The following CTNNA2 variants were observed in gnomAD, a reference collection of about 807,000 sequenced individuals.
CTNNA2 encodes catenin alpha-2.
CTNNA2 carries 42 observed loss-of-function variants against 101.0 expected under a neutral mutation model. That is an observed-to-expected ratio of 0.42 (90% CI 0.32 to 0.54). The LOEUF is 0.54. Ranked by LOEUF, CTNNA2 falls within the 20% of genes least tolerant of loss-of-function variation. The pLI, the probability that CTNNA2 is intolerant of heterozygous loss-of-function variation, is 0.14. For missense variants in CTNNA2, 871 were observed against 1,223.1 expected, an observed-to-expected ratio of 0.71 and a Z score of 4.29; for synonymous variants, 450 against 456.4, an observed-to-expected ratio of 0.99 and a Z score of 0.18.
chr2:79,670,783 A>G (rs1394062735), intron 2 of CTNNA2, among the ~76,000 whole-genome samples: 4 of 152,234 alleles, frequency 2.6e-5, no homozygotes, highest in Admixed American at 1.3e-4. Flanking sequence ...GCTCTGGATC[A>G]CGTGTTTAAC....
chr2:80,104,071 A>C (rs1409009100), intron 7 of CTNNA2, among the ~76,000 whole-genome samples: 1 of 152,148 alleles, frequency 6.6e-6, no homozygotes, highest in Non-Finnish European at 1.5e-5. Flanking sequence ...CCTGGCCTGA[A>C]TAATGTTTTT....
chr2:80,365,642 C>G (rs1166536962), intron 7 of CTNNA2, among the ~76,000 whole-genome samples: 1 of 150,662 alleles, frequency 6.6e-6, no homozygotes, highest in Non-Finnish European at 1.5e-5. Flanking sequence ...ATCATTTTGG[C>G]CTGTAGACAC....
intron 4 of CTNNA2, among the ~76,000 whole-genome samples, chr2:79,431,487 A>G (rs1298086672): frequency 6.6e-6 from 1 of 152,128 alleles, no homozygotes; most frequent in Non-Finnish European, 1.5e-5. Context: ...GCAAAGGAAA[A>G]AGAGACCCAG....
intron 6 of CTNNA2, among the ~76,000 whole-genome samples, chr2:79,882,582 G>A (rs1683525588): frequency 6.6e-6 from 1 of 152,238 alleles, no homozygotes; most frequent in African/African-American, 2.4e-5. Flanking sequence ...GAAAAGCATG[G>A]CCTGGAGCTA....
intron 7 of CTNNA2, among the ~76,000 whole-genome samples, chr2:80,378,254 G>A (rs1422526369): frequency 2.0e-5 from 3 of 152,016 alleles, no homozygotes; most frequent in African/African-American, 7.2e-5. Context: ...TACTTGGGAG[G>A]CTGAGGCAGG....
At chr2:79,542,894 T>A (rs142292367) in intron 1 of CTNNA2, among the ~76,000 whole-genome samples, 4 of 152,304 alleles carry the variant, frequency 2.6e-5, no homozygotes, top group African/African-American at 9.6e-5. Flanking sequence ...GCTTAATGTG[T>A]CACTAAGAAT....
At chr2:79,306,365 C>CA (rs1484346781) in intron 2 of CTNNA2, among the ~76,000 whole-genome samples, 4 of 151,914 alleles carry the variant, frequency 2.6e-5, no homozygotes, top group Non-Finnish European at 4.4e-5. Flanking sequence ...TGTGTTGTCA[C>CA]AAAAAATGTA....
intron 6 of CTNNA2, among the ~76,000 whole-genome samples, chr2:79,897,930 AC>A (rs1316402407): frequency 6.6e-6 from 1 of 150,998 alleles, no homozygotes; most frequent in African/African-American, 2.4e-5. Context: ...GCTCCTTGAA[AC>A]CTCTTTTATA....
chr2:79,448,209 A>T (rs557681988), intron 4 of CTNNA2, among the ~76,000 whole-genome samples: 16 of 152,174 alleles, frequency 1.1e-4, no homozygotes, highest in African/African-American at 3.6e-4. Flanking sequence ...TCTAAACCTT[A>T]TCACAGTTTT....
chr2:79,896,202 GA>G (rs944787141), intron 6 of CTNNA2, among the ~76,000 whole-genome samples: 4 of 151,968 alleles, frequency 2.6e-5, no homozygotes, highest in African/African-American at 9.7e-5. Context: ...AGGATCACTT[GA>G]GCCTGGCAGG....
intron 11 of CTNNA2, among the ~76,000 whole-genome samples, chr2:80,546,305 C>A (rs1692054646): frequency 6.6e-6 from 1 of 152,132 alleles, no homozygotes; most frequent in South Asian, 2.1e-4. Flanking sequence ...GGCTTATATT[C>A]CTTTTTAGTG....
At chr2:79,673,878 A>T (rs1208367064) in intron 2 of CTNNA2, among the ~76,000 whole-genome samples, 1 of 152,092 alleles carries the variant, frequency 6.6e-6, no homozygotes, top group Non-Finnish European at 1.5e-5. Flanking sequence ...CTTTGTGCTC[A>T]TGTTTTCTCC....
intron 8 of CTNNA2, among the ~76,000 whole-genome samples, chr2:80,406,664 A>G (rs1679090352): frequency 6.6e-6 from 1 of 151,682 alleles, no homozygotes; most frequent in African/African-American, 2.4e-5. Context: ...GTCTCTACTA[A>G]AAAATACAAA....
At chr2:79,615,849 T>C (rs1678583162) in intron 1 of CTNNA2, among the ~76,000 whole-genome samples, 1 of 151,974 alleles carries the variant, frequency 6.6e-6, no homozygotes, top group African/African-American at 2.4e-5. Context: ...TGTTGGGGAG[T>C]TGTATAACAG....
At chr2:80,180,619 A>T (rs1355970730) in intron 7 of CTNNA2, among the ~76,000 whole-genome samples, 1 of 152,212 alleles carries the variant, frequency 6.6e-6, no homozygotes, top group South Asian at 2.1e-4. Flanking sequence ...AAGATCTGCC[A>T]TACAGAGAAG....
intron 9 of CTNNA2, among the ~76,000 whole-genome samples, chr2:80,514,735 C>T (rs1347918533): frequency 2.0e-5 from 3 of 152,140 alleles, no homozygotes; most frequent in Non-Finnish European, 4.4e-5. Context: ...AGTCAAGTCA[C>T]CTCTCTCCAG....
chr2:79,288,308 C>T (rs1347116505), intron 2 of CTNNA2, among the ~76,000 whole-genome samples: 1 of 152,156 alleles, frequency 6.6e-6, no homozygotes, highest in Admixed American at 6.5e-5. Flanking sequence ...CTGAATTTAC[C>T]ATCTGTTTGA....
intron 7 of CTNNA2, among the ~76,000 whole-genome samples, chr2:80,158,913 A>G (rs1704139505): frequency 6.9e-6 from 1 of 145,922 alleles, no homozygotes; most frequent in Non-Finnish European, 1.5e-5. Flanking sequence ...TCCGTCTCAA[A>G]AAAAAAAAAA....
chr2:79,881,824 T>C, intron 6 of CTNNA2, among the ~76,000 whole-genome samples: 1 of 150,274 alleles, frequency 6.7e-6, no homozygotes, highest in East Asian at 1.9e-4. Context: ...TTAGTATTGT[T>C]ATGTGTGAAT....
Sources: allele counts gnomAD v4.1 joint callset (sites outside exome capture counted in the v4.1 genomes callset), GRCh38; gene constraint gnomAD v4.1.1; transcripts MANE v1.5; gene names NCBI Gene and HGNC (gene_info 2026-07-23, HGNC 2026-07-21).